Variants in SUMF2 observed in about 807,000 individuals in gnomAD.
The protein encoded by SUMF2 is sulfatase modifying factor 2.
A neutral mutation model predicts 44.8 loss-of-function variants in SUMF2; 45 were observed. The observed-to-expected ratio is 1.00, with a 90% CI of 0.79 to 1.29. The LOEUF (loss-of-function observed/expected upper bound fraction) is 1.29, where lower values mean the gene tolerates loss of function less well. Among genes scored for constraint, SUMF2 ranks in the 50% most tolerant of loss-of-function variants. SUMF2 has a pLI of 0.00. For missense variants in SUMF2, 418 were observed against 389.9 expected, an observed-to-expected ratio of 1.07 and a Z score of -0.61; for synonymous variants, 148 against 150.4, an observed-to-expected ratio of 0.98 and a Z score of 0.12.
chr7:56,081,581 G>A, downstream of SUMF2: 6 of 1,603,338 alleles, frequency 3.7e-6, no homozygotes, highest in Non-Finnish European at 5.1e-6. The surrounding 1 kb of genome is among the most constrained non-coding windows in gnomAD (Gnocchi z 4.6). Context: ...AGGGGGCTTA[G>A]AGGTTTGCAC....
At chr7:56,080,869 G>T (rs1285103168), downstream of SUMF2, 4 of 686,266 alleles carry the variant, frequency 5.8e-6, no homozygotes, top group Non-Finnish European at 9.6e-6. Context: ...TTGCTGTGTG[G>T]TGGGAACACC....
downstream of SUMF2, chr7:56,083,405 G>C: frequency 6.2e-7 from 1 of 1,614,194 alleles, no homozygotes; most frequent in East Asian, 2.2e-5. Context: ...GTTTGTGCAA[G>C]GTGCAGATCA....
At chr7:56,080,876 C>T (rs1237731420), downstream of SUMF2, 12 of 714,028 alleles carry the variant, frequency 1.7e-5, no homozygotes, top group Non-Finnish European at 2.5e-5. Context: ...GTGGTGGGAA[C>T]ACCCACTTCC....
downstream of SUMF2, chr7:56,084,183 T>G: frequency 6.5e-7 from 1 of 1,534,656 alleles, no homozygotes; most frequent in Non-Finnish European, 8.7e-7. Flanking sequence ...TTGGTGGACT[T>G]GGGAGAGTCC....
chr7:56,086,923 G>T, the SUMF2 span: 1 of 1,477,690 alleles, frequency 6.8e-7, no homozygotes, highest in Non-Finnish European at 9.5e-7. Context: ...GGGGACAGCA[G>T]TCGGAGGTTC....
intron 2 of SUMF2, among the ~76,000 whole-genome samples, chr7:56,069,561 A>G (rs1795029050): frequency 6.6e-6 from 1 of 151,998 alleles, no homozygotes; most frequent in African/African-American, 2.4e-5. Context: ...TTACTAAACC[A>G]TACCAAAGTA....
At chr7:56,081,172 G>A (rs758309865), downstream of SUMF2, 14 of 1,613,922 alleles carry the variant, frequency 8.7e-6, no homozygotes, top group Non-Finnish European at 1.2e-5. The surrounding 1 kb of genome is among the most constrained non-coding windows in gnomAD (Gnocchi z 4.6). Context: ...GAAAGCGTAG[G>A]CGTCGATGAG....
chr7:56,073,120 A>C lies in SUMF2; in HGVS notation c.339+9A>C. 6.2e-7 allele frequency: 1 copy of C among 1,609,764 alleles called. No individual in the cohort carries two copies. The highest frequency in any genetic ancestry group is 1.7e-5 in the Admixed American group (1 of 59,986). On this transcript the variant is annotated intron_variant, in intron 3 of 8. Coordinates refer to ENST00000434526, the MANE Select transcript of SUMF2 (RefSeq NM_015411.4). ...CCACCCAGCCAATGAAGGTGAGAGAACCTGGTCTTGCAGCTGAGGGGATAG... is the reference window on the plus strand; with the variant it reads ...CCACCCAGCCAATGAAGGTGAGAGACCCTGGTCTTGCAGCTGAGGGGATAG...
downstream of SUMF2, chr7:56,083,592 T>C: frequency 6.6e-7 from 1 of 1,508,892 alleles, no homozygotes; most frequent in Non-Finnish European, 9.1e-7. Context: ...GAGACCCCAG[T>C]GCCTGTGGCC....
At chr7:56,068,175 A>T (rs1278949568) in intron 1 of SUMF2, among the ~76,000 whole-genome samples, 2 of 151,442 alleles carry the variant, frequency 1.3e-5, no homozygotes, top group Non-Finnish European at 2.9e-5. Flanking sequence ...CTGGGACTAC[A>T]GGCGACTGCC....
At chr7:56,075,223 TATAAA>T (rs1795460670) in intron 5 of SUMF2, among the ~76,000 whole-genome samples, 1 of 151,356 alleles carries the variant, frequency 6.6e-6, no homozygotes, top group Admixed American at 6.6e-5. Flanking sequence ...CTCAGACTGA[TATAAA>T]ATACCATAAA....
intron 6 of SUMF2, among the ~76,000 whole-genome samples, chr7:56,077,356 G>A (rs951928433): frequency 6.8e-6 from 1 of 147,378 alleles, no homozygotes; most frequent in African/African-American, 2.5e-5. Flanking sequence ...GCCAGCGTAA[G>A]TACTTTCTAT....
Position 56,075,572 on chromosome 7 carries a change from G to A in SUMF2, c.535+836G>A, listed in dbSNP as rs374115975. On this transcript the variant is annotated intron_variant, in intron 5 of 8. Coordinates refer to ENST00000434526, the MANE Select transcript of SUMF2 (RefSeq NM_015411.4). ...AAATTAGCTGGGCTTGGTGGCGGGCGCCTGTAGTCCCAGCTACTTGGGAGG... is the reference window on the plus strand; with the variant it reads ...AAATTAGCTGGGCTTGGTGGCGGGCACCTGTAGTCCCAGCTACTTGGGAGG... Among the ~76,000 whole-genome samples the A allele has an allele frequency of 1.6e-4, 24 of 151,786 alleles. No homozygotes were observed. The East Asian group carries it at 4.4e-3, about 28-fold the overall frequency.
downstream of SUMF2, among the ~76,000 whole-genome samples, chr7:56,082,829 T>C (rs1796074825): frequency 6.6e-6 from 1 of 151,906 alleles, no homozygotes; most frequent in African/African-American, 2.4e-5. Flanking sequence ...CTAGCCCTGC[T>C]GGGCATGGTG....
intron 6 of SUMF2, 130 bp downstream of exon 6, chr7:56,077,019 G>A: frequency 1.4e-6 from 1 of 716,588 alleles, no homozygotes. Context: ...AGCTGGTAAA[G>A]CAAAAGACAA....
In SUMF2 at chr7:56,079,950, C is replaced by A; in HGVS notation, c.*338C>A. Reference sequence around the variant, plus strand: ...TTTTAAGCATTTTAAAATCTATTCTCTCCCCCTTTCTCCCTGGATGATTCA... The same window carrying A: ...TTTTAAGCATTTTAAAATCTATTCTATCCCCCTTTCTCCCTGGATGATTCA... On this transcript the variant is annotated 3_prime_UTR_variant, in exon 9 of 9. Transcript: ENST00000434526. 1 of 1,218,862 alleles carries A rather than the reference C, an allele frequency of 8.2e-7. No individual in the cohort carries two copies. The highest frequency in any genetic ancestry group is 2.6e-5 in the East Asian group (1 of 38,700). 75.5% of individuals were successfully genotyped at this position (1,218,862 alleles called of 1,614,324 possible).
At chr7:56,083,527 T>C, downstream of SUMF2, 1 of 1,545,408 alleles carries the variant, frequency 6.5e-7, no homozygotes. Flanking sequence ...TCAGCCACAC[T>C]GCAAGGGAGC....
chr7:56,066,958 C>A (rs1584568320), intron 1 of SUMF2, among the ~76,000 whole-genome samples: 1 of 152,194 alleles, frequency 6.6e-6, no homozygotes, highest in African/African-American at 2.4e-5. Context: ...GGCATTCATA[C>A]AAGTCTAAAG....
chr7:56,086,411 G>T, the SUMF2 span, among the ~76,000 whole-genome samples: 2 of 152,274 alleles, frequency 1.3e-5, no homozygotes, highest in South Asian at 2.1e-4. Context: ...GGTGGCTTAT[G>T]CCTGTAATCC....
Sources: gnomAD v4.1 joint callset for allele counts (sites outside exome capture counted in the v4.1 genomes callset) on GRCh38, gnomAD v4.1.1 for gene constraint, Gnocchi (gnomAD v3.1) non-coding constraint, MANE v1.5 for transcripts, NCBI Gene and HGNC (gene_info 2026-07-23, HGNC 2026-07-21) for gene names.